BCL11B: variants seen among roughly 807,000 people sequenced by gnomAD.
BCL11B encodes the protein BCL11 transcription factor B.
In BCL11B, 8 loss-of-function variants were observed where a neutral mutation model predicts 49.9. The observed-to-expected ratio is 0.16, with a 90% CI of 0.09 to 0.29. The LOEUF is 0.29. Ranked by LOEUF, BCL11B falls within the 10% of genes least tolerant of loss-of-function variation. BCL11B has a pLI of 1.00. For synonymous variants in BCL11B, 739 were observed against 637.4 expected, an observed-to-expected ratio of 1.16 and a Z score of -2.40; for missense variants, 1,006 against 1,351.0, an observed-to-expected ratio of 0.74 and a Z score of 4.00.
Position 99,192,337 on chromosome 14 carries a change from C to A in BCL11B, c.641-16142G>T, listed in dbSNP as rs2139799835. ...TAATAACAGCCTGGGAACTGCAAAA[C>A]CCCTGTAAGCCCAGCCCTTTAAATG... On this transcript the variant is annotated intron_variant, in intron 3 of 3. Transcript: ENST00000357195. The surrounding 1 kb of genome is among the most constrained non-coding windows in gnomAD (Gnocchi z 4.0). Among the ~76,000 whole-genome samples the A allele has an allele frequency of 6.6e-6, 1 of 152,270 alleles. No homozygotes were observed. Among genetic ancestry groups the A allele is most frequent in the African/African-American group, 2.4e-5 (1 of 41,560 alleles).
At chr14:99,209,464 A>G (rs992749381) in intron 3 of BCL11B, among the ~76,000 whole-genome samples, 10 of 150,498 alleles carry the variant, frequency 6.6e-5, no homozygotes, top group African/African-American at 2.5e-4. Context: ...GAATGAGGTC[A>G]GTGCCAGGGC....
At chr14:99,253,326 G>A (rs1038048475) in intron 2 of BCL11B, among the ~76,000 whole-genome samples, 2 of 152,210 alleles carry the variant, frequency 1.3e-5, no homozygotes, top group Non-Finnish European at 2.9e-5. Context: ...TCTACTCCAT[G>A]CTGACACTGC....
Position 99,172,845 on chromosome 14 carries a change from GAA to G in BCL11B, c.*1304_*1305del. 1 of 215,184 alleles carries G rather than the reference GAA, an allele frequency of 4.6e-6. No individual in the cohort carries two copies. Among genetic ancestry groups the G allele is most frequent in the Non-Finnish European group, 9.3e-6 (1 of 107,562 alleles). The allele number at this position is 215,184 out of a possible 1,614,324, so 13.3% of individuals were successfully genotyped here. ...AGTACCTTCCAACCTAATGAGATAG[GAA>G]AAAAAAAATAAAAACCTGGGAAGTA... is the stretch of plus-strand genomic sequence containing the variant. On this transcript the variant is annotated 3_prime_UTR_variant, in exon 4 of 4. Transcript: ENST00000357195.
chr14:99,203,169 TG>T (rs1282196870), intron 3 of BCL11B, among the ~76,000 whole-genome samples: 1 of 152,106 alleles, frequency 6.6e-6, no homozygotes, highest in East Asian at 1.9e-4. Context: ...CTGCCCCATG[TG>T]TTCCCGTTCT....
At chr14:99,201,621 T>C (rs1887386243) in intron 3 of BCL11B, among the ~76,000 whole-genome samples, 1 of 152,130 alleles carries the variant, frequency 6.6e-6, no homozygotes, top group African/African-American at 2.4e-5. Flanking sequence ...ACCCAGGCCG[T>C]CTCTCTGCAC....
chr14:99,223,711 C>T (rs892855291), intron 3 of BCL11B, among the ~76,000 whole-genome samples: 15 of 152,190 alleles, frequency 9.9e-5, no homozygotes, highest in Non-Finnish European at 1.8e-4. Context: ...GTCAAAAACA[C>T]GCCAATAATC....
Position 99,272,152 on chromosome 14 carries a change from A to G in BCL11B, c.-934T>C, listed in dbSNP as rs1353503002. Reference sequence around the variant, plus strand: ...GGGAGCTATAGATTGCAACGTGAAGATGGCGGAGTCCGGGTTCTCTGGGAG... The same window carrying G: ...GGGAGCTATAGATTGCAACGTGAAGGTGGCGGAGTCCGGGTTCTCTGGGAG... On this transcript the variant is annotated 5_prime_UTR_variant, in exon 1 of 4. Transcript: ENST00000357195. The surrounding 1 kb of genome is among the most constrained non-coding windows in gnomAD (Gnocchi z 6.0). Among the ~76,000 whole-genome samples, 3 of 152,012 alleles carry G rather than the reference A, an allele frequency of 2.0e-5. No homozygotes were observed. The highest frequency in any genetic ancestry group is 7.2e-5 in the African/African-American group (3 of 41,408).
rs1886285336 is a variant in BCL11B, at chr14:99,171,394, A to G, written c.*2757T>C. On this transcript the variant is annotated 3_prime_UTR_variant, in exon 4 of 4. Transcript: ENST00000357195. Reference sequence around the variant, plus strand: ...TTATCCTGCCAAATTAAAAAAATATATTATGGCAGCCTGTTTGTTTTTGTT... The same window carrying G: ...TTATCCTGCCAAATTAAAAAAATATGTTATGGCAGCCTGTTTGTTTTTGTT... 4.6e-6 allele frequency: 1 copy of G among 217,216 alleles called. No individual in the cohort carries two copies. The highest frequency in any genetic ancestry group is 9.3e-6 in the Non-Finnish European group (1 of 107,942). The allele number at this position is 217,216 out of a possible 1,614,324, so 13.5% of individuals were successfully genotyped here.
intron 3 of BCL11B, among the ~76,000 whole-genome samples, chr14:99,202,245 C>A (rs935214256): frequency 6.6e-6 from 1 of 152,226 alleles, no homozygotes; most frequent in East Asian, 1.9e-4. Flanking sequence ...CCACCTCAGC[C>A]TCCCAAAGTG....
intron 3 of BCL11B, among the ~76,000 whole-genome samples, chr14:99,222,729 C>T (rs1888046262): frequency 6.6e-6 from 1 of 152,262 alleles, no homozygotes; most frequent in South Asian, 2.1e-4. Flanking sequence ...CCTGTCACTG[C>T]CCACAGTGAC....
At chr14:99,209,008 T>A (rs975771335) in intron 3 of BCL11B, among the ~76,000 whole-genome samples, 1 of 151,890 alleles carries the variant, frequency 6.6e-6, no homozygotes, top group Admixed American at 6.6e-5. Context: ...CAGAGCACAG[T>A]GACAGCAGAA....
rs1440112329 is a variant in BCL11B, at chr14:99,174,522, T to C, written c.2314A>G (p.Ser772Gly). ...CCCAGGTGCGGGGTGCTGCCTCCGC[T>C]GGCCGTGCCGCTGCGGCCCGAGAGG... ...GGLSGRSGTA[S>G]GGSTPHLGGP... The change falls in exon 4 of 4, where the codon AGC becomes GGC. Residue 772 changes from serine to glycine, a missense_variant. Ser to Gly is a moderately conservative substitution (Grantham distance 56). Transcript: ENST00000357195. 2.6e-6 allele frequency: 4 copies of C among 1,523,956 alleles called. No homozygotes were observed. Among genetic ancestry groups the C allele is most frequent in the Non-Finnish European group, 3.5e-6 (4 of 1,137,642 alleles). 94.4% of individuals were successfully genotyped at this position (1,523,956 alleles called of 1,614,324 possible).
At chr14:99,189,313 G>A (rs1435758567) in intron 3 of BCL11B, among the ~76,000 whole-genome samples, 1 of 152,228 alleles carries the variant, frequency 6.6e-6, no homozygotes, top group Non-Finnish European at 1.5e-5. Context: ...CCGGGTGCCC[G>A]GATGCACAGC....
At chr14:99,259,610 A>G (rs1380897163) in intron 1 of BCL11B, among the ~76,000 whole-genome samples, 1 of 152,246 alleles carries the variant, frequency 6.6e-6, no homozygotes, top group Non-Finnish European at 1.5e-5. Flanking sequence ...GTGGCAGTAC[A>G]GAAACGCCCC....
chr14:99,249,056 C>T (rs931728103), intron 2 of BCL11B, among the ~76,000 whole-genome samples: 5 of 152,156 alleles, frequency 3.3e-5, no homozygotes, highest in Non-Finnish European at 7.3e-5. Context: ...CAGATGTGTG[C>T]AGGACAGGTG....
intron 2 of BCL11B, among the ~76,000 whole-genome samples, chr14:99,238,577 T>C (rs890781224): frequency 1.3e-5 from 2 of 152,138 alleles, no homozygotes; most frequent in East Asian, 3.9e-4. Flanking sequence ...CCATCTTCTG[T>C]GAACCACGGA....
intron 3 of BCL11B, among the ~76,000 whole-genome samples, chr14:99,208,543 C>A (rs1202657253): frequency 6.6e-6 from 1 of 152,230 alleles, no homozygotes; most frequent in Non-Finnish European, 1.5e-5. Flanking sequence ...TAGCTGCAGA[C>A]AGGGAAGCTA....
chr14:99,238,090 A>G (rs10129582), intron 2 of BCL11B, among the ~76,000 whole-genome samples: 48,015 of 151,716 alleles, frequency 0.32, 8,744 homozygotes, highest in Non-Finnish European at 0.42. Context: ...ATCCACCTGC[A>G]CCCACCGTGA....
In BCL11B at chr14:99,173,995, C is replaced by T; in HGVS notation, c.*156G>A. 2 of 677,516 alleles carry T rather than the reference C, an allele frequency of 3.0e-6. No homozygotes were observed. Among genetic ancestry groups the T allele is most frequent in the East Asian group, 5.4e-5 (2 of 36,742 alleles). 42.0% of individuals were successfully genotyped at this position (677,516 alleles called of 1,614,324 possible). A position where few individuals can be genotyped will look rare whatever the true frequency, so the allele number is the denominator to read the frequency against. On this transcript the variant is annotated 3_prime_UTR_variant, in exon 4 of 4. Transcript: ENST00000357195. ...AATCAACCCTCGGGTTTCCATAGGA[C>T]TTCGCAGACACAGGTTAGGTTGGAG...
Sources: gnomAD v4.1 joint callset for allele counts (sites outside exome capture counted in the v4.1 genomes callset) on GRCh38, gnomAD v4.1.1 for gene constraint, Gnocchi (gnomAD v3.1) non-coding constraint, MANE v1.5 for transcripts, NCBI Gene and HGNC (gene_info 2026-07-23, HGNC 2026-07-21) for gene names.